PHLPP1: variants seen among roughly 807,000 people sequenced by gnomAD.
PHLPP1 encodes PH domain and leucine rich repeat protein phosphatase 1, also known as PH domain leucine-rich repeat-containing protein phosphatase 1.
PHLPP1 carries 42 observed loss-of-function variants against 117.2 expected under a neutral mutation model. The observed-to-expected ratio is 0.36, with a 90% CI of 0.28 to 0.46. The LOEUF (loss-of-function observed/expected upper bound fraction) is 0.46. Among genes scored for constraint, PHLPP1 ranks in the 20% least tolerant of loss-of-function variants. The probability of loss-of-function intolerance (pLI) is 1.00; values close to 1 mark genes in which losing one functional copy is unlikely to be tolerated. For missense variants in PHLPP1, 2,084 were observed against 2,241.9 expected (o/e 0.93, Z 1.42); for synonymous variants, 1,042 against 970.7 (o/e 1.07, Z -1.37).
chr18:62,866,153 G>A (rs1915765462), intron 4 of PHLPP1, among the ~76,000 whole-genome samples: 2 of 152,076 alleles, frequency 1.3e-5, no homozygotes, highest in African/African-American at 2.4e-5. Flanking sequence ...ATGGGGATTA[G>A]TGAATGGTTT....
intron 16 of PHLPP1, among the ~76,000 whole-genome samples, chr18:62,977,372 C>G (rs1911218825): frequency 7.6e-6 from 1 of 131,008 alleles, no homozygotes; most frequent in South Asian, 2.5e-4. Context: ...AGAGGTATGT[C>G]ATGGACCTGA....
At chr18:62,923,871 T>G (rs1227208808) in intron 10 of PHLPP1, among the ~76,000 whole-genome samples, 1 of 152,212 alleles carries the variant, frequency 6.6e-6, no homozygotes, top group East Asian at 1.9e-4. Flanking sequence ...AAAGATTCTT[T>G]GTGACTGGCT....
chr18:62,776,609 GTT>G (rs35582464), intron 1 of PHLPP1, among the ~76,000 whole-genome samples: 5 of 137,032 alleles, frequency 3.6e-5, no homozygotes, highest in East Asian at 2.1e-4. Context: ...ATTGCTGAGT[GTT>G]TTTTTTTTTT....
chr18:62,976,083 T>C (rs141472563), intron 16 of PHLPP1, among the ~76,000 whole-genome samples: 85 of 152,360 alleles, frequency 5.6e-4, no homozygotes, highest in Non-Finnish European at 9.4e-4. Flanking sequence ...TCTATGTAAG[T>C]GTACTAGTTG....
At chr18:62,841,499 A>AT (rs1183712027) in intron 3 of PHLPP1, among the ~76,000 whole-genome samples, 1 of 150,952 alleles carries the variant, frequency 6.6e-6, no homozygotes, top group South Asian at 2.1e-4. Context: ...TACCCGGCTA[A>AT]TTTTTTGTGT....
intron 1 of PHLPP1, among the ~76,000 whole-genome samples, chr18:62,751,690 C>A (rs1429361046): frequency 1.3e-5 from 2 of 152,140 alleles, no homozygotes; most frequent in African/African-American, 2.4e-5. Flanking sequence ...AGGCCCTATT[C>A]ATGGTGTTCT....
At position 62,874,044 on chromosome 18, in the gene PHLPP1, C is replaced by T. The variant is rs577203187; in HGVS notation, c.2066+13443C>T. On this transcript the variant is annotated intron_variant, in intron 4 of 16. Transcript: ENST00000262719. Reference sequence around the variant, plus strand: ...CTAAAAATACAAAAATTAGCTGGGCCGTGGTGGTGCATGCCTGTAATCCCA... The same window carrying T: ...CTAAAAATACAAAAATTAGCTGGGCTGTGGTGGTGCATGCCTGTAATCCCA... Among the ~76,000 whole-genome samples, 6 of 151,102 alleles carry T rather than the reference C, an allele frequency of 4.0e-5. No individual in the cohort carries two copies. In the South Asian group the frequency reaches 1.0e-3, roughly 26 times the overall value.
chr18:62,937,704 A>C (rs1022974218), intron 10 of PHLPP1, among the ~76,000 whole-genome samples: 2 of 152,166 alleles, frequency 1.3e-5, no homozygotes, highest in Non-Finnish European at 2.9e-5. Context: ...GGGGTGATGG[A>C]AAAATCAAAT....
At chr18:62,888,432 C>T (rs1218767967) in intron 4 of PHLPP1, among the ~76,000 whole-genome samples, 2 of 151,708 alleles carry the variant, frequency 1.3e-5, no homozygotes, top group East Asian at 3.9e-4. Flanking sequence ...CAAGCGTGGT[C>T]ACTCACACCT....
intron 1 of PHLPP1, among the ~76,000 whole-genome samples, chr18:62,808,618 T>G (rs1178051310): frequency 1.3e-5 from 2 of 150,620 alleles, no homozygotes; most frequent in Non-Finnish European, 3.0e-5. Flanking sequence ...AATGGCACCA[T>G]GTTGGCTCAC....
chr18:62,945,653 A>T (rs1910261590), intron 12 of PHLPP1, among the ~76,000 whole-genome samples: 1 of 152,168 alleles, frequency 6.6e-6, no homozygotes, highest in Non-Finnish European at 1.5e-5. Context: ...TAACAGTACC[A>T]CTACACATCG....
chr18:62,809,820 A>G (rs1204045613), intron 1 of PHLPP1, among the ~76,000 whole-genome samples: 3 of 152,198 alleles, frequency 2.0e-5, no homozygotes, highest in South Asian at 4.1e-4. Context: ...AATGTTTGCC[A>G]AATAATTATG....
chr18:62,874,657 G>GCA lies in PHLPP1; in HGVS notation c.2066+14090_2066+14091dup, dbSNP rs71340125. Among the ~76,000 whole-genome samples the GCA allele has an allele frequency of 5.1e-3, 755 of 147,706 alleles. 3 individuals carry two copies. Among genetic ancestry groups the GCA allele is most frequent in the African/African-American group, 0.013 (514 of 40,018 alleles). ...CATCACAGGGCGCGCACGCACGCGC[G>GCA]CACACACACACACACACACACACAC... is the stretch of plus-strand genomic sequence containing the variant. On this transcript the variant is annotated intron_variant, in intron 4 of 16. Coordinates refer to ENST00000262719, the MANE Select transcript of PHLPP1 (RefSeq NM_194449.4).
chr18:62,866,606 A>C (rs941972666), intron 4 of PHLPP1, among the ~76,000 whole-genome samples: 3 of 152,168 alleles, frequency 2.0e-5, no homozygotes, highest in Admixed American at 6.6e-5. Context: ...AGTTTTCTGC[A>C]TTTTTTAAAT....
At chr18:62,871,397 G>A (rs71366957) in intron 4 of PHLPP1, among the ~76,000 whole-genome samples, 6,885 of 150,376 alleles carry the variant, frequency 0.046, 250 homozygotes, top group Non-Finnish European at 0.068. Context: ...GTGCAATCTC[G>A]GCTCACTGCA....
chr18:62,744,469 C>T (rs1376202183), intron 1 of PHLPP1, among the ~76,000 whole-genome samples: 2 of 152,352 alleles, frequency 1.3e-5, no homozygotes, highest in African/African-American at 4.8e-5. Context: ...AGCTGAAGTT[C>T]CTGCTGTGCT....
chr18:62,783,213 C>T (rs1013840069), intron 1 of PHLPP1, among the ~76,000 whole-genome samples: 4 of 148,544 alleles, frequency 2.7e-5, no homozygotes, highest in African/African-American at 9.8e-5. Flanking sequence ...TCCCCACAAG[C>T]CTTTCTTTTT....
intron 1 of PHLPP1, among the ~76,000 whole-genome samples, chr18:62,815,849 T>C (rs1341839764): frequency 2.0e-5 from 3 of 152,242 alleles, no homozygotes; most frequent in Non-Finnish European, 4.4e-5. Flanking sequence ...AAATTTGTGC[T>C]ACCCTTTTCC....
chr18:62,779,196 C>T (rs1228260766), intron 1 of PHLPP1, among the ~76,000 whole-genome samples: 2 of 152,118 alleles, frequency 1.3e-5, no homozygotes, highest in South Asian at 4.1e-4. Context: ...AGTGCATGAT[C>T]TCCTTAGGCC....
Sources: allele counts gnomAD v4.1 joint callset (sites outside exome capture counted in the v4.1 genomes callset), GRCh38; gene constraint gnomAD v4.1.1; transcripts MANE v1.5; gene names NCBI Gene and HGNC (gene_info 2026-07-23, HGNC 2026-07-21).